Variants in EVI5 observed in about 807,000 individuals in gnomAD.
EVI5 encodes the protein ecotropic viral integration site 5, also known as ecotropic viral integration site 5 protein homolog.
EVI5 carries 73 observed loss-of-function variants against 112.0 expected under a neutral mutation model. The ratio of observed to expected loss-of-function variants is 0.65; its 90% CI spans 0.54 to 0.79. The LOEUF (loss-of-function observed/expected upper bound fraction) is 0.79, where lower values mean the gene tolerates loss of function less well. Among genes scored for constraint, EVI5 ranks in the 30% least tolerant of loss-of-function variants. The pLI is 0.00. For synonymous variants in EVI5, 305 were observed against 319.9 expected (o/e 0.95, Z 0.50); for missense variants, 900 against 968.8 (o/e 0.93, Z 0.94).
At chr1:92,749,136 G>A (rs971930793) in intron 1 of EVI5, 1 of 183,448 alleles carries the variant, frequency 5.5e-6, no homozygotes, top group Admixed American at 6.3e-5. Flanking sequence ...AAATAGATAG[G>A]AGATAGGACA....
At chr1:92,749,074 A>G (rs901614754) in intron 1 of EVI5, 1 of 172,970 alleles carries the variant, frequency 5.8e-6, no homozygotes, top group Non-Finnish European at 1.2e-5. Context: ...CTCAAAAAAA[A>G]AAAAAAAAAA....
At chr1:92,548,474 T>C (rs1226331541) in intron 19 of EVI5, among the ~76,000 whole-genome samples, 1 of 152,168 alleles carries the variant, frequency 6.6e-6, no homozygotes, top group African/African-American at 2.4e-5. Flanking sequence ...CTATTCAACA[T>C]AGTGCTGGAA....
At chr1:92,694,626 G>A (rs984596910) in intron 7 of EVI5, among the ~76,000 whole-genome samples, 5 of 152,150 alleles carry the variant, frequency 3.3e-5, no homozygotes, top group African/African-American at 4.8e-5. Flanking sequence ...AAATAAATGG[G>A]CAGGGTTGTG....
At chr1:92,568,250 C>G (rs1669785611) in intron 18 of EVI5, among the ~76,000 whole-genome samples, 1 of 151,584 alleles carries the variant, frequency 6.6e-6, no homozygotes, top group African/African-American at 2.4e-5. Context: ...GTGATGGGCA[C>G]CTGTGGTCCC....
intron 1 of EVI5, among the ~76,000 whole-genome samples, chr1:92,777,493 G>A (rs1034604108): frequency 6.6e-6 from 1 of 152,182 alleles, no homozygotes; most frequent in East Asian, 1.9e-4. Flanking sequence ...GAGATTATAA[G>A]ATCCTGGGAC....
intron 19 of EVI5, among the ~76,000 whole-genome samples, chr1:92,554,570 A>C (rs946810389): frequency 4.6e-5 from 7 of 152,358 alleles, no homozygotes; most frequent in Admixed American, 3.9e-4. Context: ...AATCTGCACA[A>C]TAATTTCTAA....
intron 13 of EVI5, among the ~76,000 whole-genome samples, chr1:92,648,298 G>A (rs1300670932): frequency 4.7e-5 from 7 of 149,184 alleles, no homozygotes; most frequent in Non-Finnish European, 4.4e-5. Flanking sequence ...GCGTGAACCC[G>A]GGAGGCGGAG....
At chr1:92,729,969 T>C (rs1269493469) in intron 2 of EVI5, among the ~76,000 whole-genome samples, 1 of 152,154 alleles carries the variant, frequency 6.6e-6, no homozygotes, top group African/African-American at 2.4e-5. Context: ...TGCCGTATTA[T>C]CAGACTGAAA....
chr1:92,749,066 C>CA (rs60282362), intron 1 of EVI5: 1,289 of 104,308 alleles, frequency 0.012, 16 homozygotes, highest in African/African-American at 0.034. Context: ...AACTCTGTCT[C>CA]AAAAAAAAAA....
chr1:92,589,440 C>T (rs1673376196), intron 18 of EVI5, among the ~76,000 whole-genome samples: 1 of 152,172 alleles, frequency 6.6e-6, no homozygotes, highest in Admixed American at 6.5e-5. Flanking sequence ...TTCCAATGGT[C>T]TTAGCAAACA....
Position 92,625,914 on chromosome 1 carries a change from A to T in EVI5, c.1548T>A (p.Asp516Glu), listed in dbSNP as rs1170723722. 1 of 1,606,074 alleles carries T rather than the reference A, an allele frequency of 6.2e-7. No homozygotes were observed. Among genetic ancestry groups the T allele is most frequent in the East Asian group, 2.2e-5 (1 of 44,750 alleles). The change falls in exon 15 of 20, where the codon GAT becomes GAA. Residue 516 changes from aspartate to glutamate, a missense_variant. By Grantham distance (45) the Asp-to-Glu change is conservative. Coordinates refer to ENST00000684568, the MANE Select transcript of EVI5 (RefSeq NM_001350197.2). ...DIEKRNNSLPDENNIARLQEE... is the reference protein window; with the variant it reads ...DIEKRNNSLPEENNIARLQEE... ...CCTGAAGCCTTGCAATATTATTCTCATCAGGAAGGGAGTTATTCCTCTAAA... is the reference window on the plus strand; with the variant it reads ...CCTGAAGCCTTGCAATATTATTCTCTTCAGGAAGGGAGTTATTCCTCTAAA...
At chr1:92,685,979 G>A (rs905960995) in intron 9 of EVI5, among the ~76,000 whole-genome samples, 15 of 152,130 alleles carry the variant, frequency 9.9e-5, no homozygotes, top group Non-Finnish European at 1.8e-4. Context: ...ACAAAAAGGA[G>A]CTTGCACCAT....
intron 13 of EVI5, among the ~76,000 whole-genome samples, chr1:92,661,780 T>C (rs1224435542): frequency 6.6e-6 from 1 of 152,162 alleles, no homozygotes; most frequent in Non-Finnish European, 1.5e-5. Flanking sequence ...GAGATGACGA[T>C]GCTGTTTCTT....
intron 13 of EVI5, among the ~76,000 whole-genome samples, chr1:92,644,827 T>A (rs1342003406): frequency 1.3e-5 from 2 of 152,200 alleles, no homozygotes; most frequent in Admixed American, 6.5e-5. Context: ...ATTTTCCAGA[T>A]ACCTATTATT....
chr1:92,573,540 T>C (rs1030449111), intron 18 of EVI5, among the ~76,000 whole-genome samples: 2 of 152,066 alleles, frequency 1.3e-5, no homozygotes, highest in Non-Finnish European at 2.9e-5. Flanking sequence ...AATGTGGCCA[T>C]GACCAAGGCT....
intron 9 of EVI5, among the ~76,000 whole-genome samples, chr1:92,677,817 A>C (rs1666984495): frequency 6.6e-6 from 1 of 152,180 alleles, no homozygotes; most frequent in African/African-American, 2.4e-5. Flanking sequence ...TGTTAAAGGA[A>C]AATACTAAAT....
At chr1:92,644,374 G>C (rs1660549458) in intron 13 of EVI5, among the ~76,000 whole-genome samples, 1 of 152,200 alleles carries the variant, frequency 6.6e-6, no homozygotes, top group African/African-American at 2.4e-5. Context: ...CCTGTAAAAA[G>C]TTAATGTCAT....
chr1:92,667,029 C>T (rs1205564453), intron 10 of EVI5, among the ~76,000 whole-genome samples: 1 of 152,134 alleles, frequency 6.6e-6, no homozygotes, highest in East Asian at 1.9e-4. Context: ...CAGTGGCTCA[C>T]ACCTGCAATC....
intron 14 of EVI5, among the ~76,000 whole-genome samples, chr1:92,631,944 G>A (rs909782842): frequency 6.6e-6 from 1 of 152,060 alleles, no homozygotes; most frequent in African/African-American, 2.4e-5. Context: ...ATAATTATGT[G>A]GTTTCTGTCA....
Sources: allele counts gnomAD v4.1 joint callset (sites outside exome capture counted in the v4.1 genomes callset), GRCh38; gene constraint gnomAD v4.1.1; transcripts MANE v1.5; gene names NCBI Gene and HGNC (gene_info 2026-07-23, HGNC 2026-07-21).